PCSK9: variants seen among roughly 807,000 people sequenced by gnomAD.
The protein encoded by PCSK9 is convertase subtilisin/kexin type 9 preproprotein.
PCSK9 carries 57 observed loss-of-function variants against 62.1 expected under a neutral mutation model. That is an observed-to-expected ratio of 0.92 (90% CI 0.74 to 1.14). The LOEUF (loss-of-function observed/expected upper bound fraction) is 1.14, where lower values mean the gene tolerates loss of function less well. Ranked by LOEUF, PCSK9 falls within the 50% of genes most tolerant of loss-of-function variation. The pLI is 0.00. For synonymous variants in PCSK9, 387 were observed against 409.4 expected, an observed-to-expected ratio of 0.95 and a Z score of 0.66; for missense variants, 870 against 959.8, an observed-to-expected ratio of 0.91 and a Z score of 1.24.
intron 7 of PCSK9, 131 bp downstream of exon 7, chr1:55,057,645 TTCAAGGACAC>T (rs1644725457): frequency 8.8e-7 from 1 of 1,142,828 alleles, no homozygotes. Context: ...TGATGGTGCC[TTCAAGGACAC>T]TCAGTCTGAT....
intron 2 of PCSK9, 39 bp downstream of exon 2, chr1:55,044,073 G>T (rs1644617274): frequency 6.2e-7 from 1 of 1,608,370 alleles, no homozygotes; most frequent in Non-Finnish European, 8.5e-7. Flanking sequence ...TCCTGATAGG[G>T]CTGGGCCACT....
chr1:55,058,341 G>T, intron 8 of PCSK9, 132 bp downstream of exon 8: 1 of 1,490,498 alleles, frequency 6.7e-7, no homozygotes, highest in Non-Finnish European at 9.2e-7. Context: ...AATGAGAATG[G>T]GGCTCTGAAA....
chr1:55,055,627 G>A (rs1303383749), intron 5 of PCSK9, among the ~76,000 whole-genome samples: 1 of 152,122 alleles, frequency 6.6e-6, no homozygotes, highest in Non-Finnish European at 1.5e-5. Context: ...TCTGAAATCC[G>A]CAGGGCAGGC....
At chr1:55,061,577 G>T in intron 11 of PCSK9, 21 bp downstream of exon 11, 1 of 1,570,490 alleles carries the variant, frequency 6.4e-7, no homozygotes, top group Non-Finnish European at 8.6e-7. Context: ...CCGTGAGGCC[G>T]GGTGGGTGGG....
chr1:55,059,907 G>C (rs1359216936), intron 10 of PCSK9, among the ~76,000 whole-genome samples: 2 of 152,236 alleles, frequency 1.3e-5, no homozygotes, highest in East Asian at 3.9e-4. Context: ...GTTGCAAGGA[G>C]ATGGGCAGCA....
chr1:55,043,723 C>T, intron 1 of PCSK9, 120 bp from the exon 2 acceptor site: 4 of 1,208,666 alleles, frequency 3.3e-6, no homozygotes, highest in Admixed American at 2.1e-5. Context: ...ACTTCTTTAT[C>T]ATCTACTATA....
At chr1:55,057,631 G>A in intron 7 of PCSK9, 117 bp downstream of exon 7, 1 of 1,267,394 alleles carries the variant, frequency 7.9e-7, no homozygotes, top group Non-Finnish European at 1.1e-6. Context: ...AGATGAAGTA[G>A]GCCTGATGGT....
In PCSK9 at chr1:55,064,634, G is replaced by T. The variant is rs1644788334; in HGVS notation, c.*1050G>T. On this transcript the variant is annotated 3_prime_UTR_variant, in exon 12 of 12. Transcript: ENST00000302118. ...CTGGCGGAGATGCTTCTAAGGCATGGTCGGGGGAGAGGGCCAACAACTGTC... is the reference window on the plus strand; with the variant it reads ...CTGGCGGAGATGCTTCTAAGGCATGTTCGGGGGAGAGGGCCAACAACTGTC... 6.6e-6 allele frequency: 1 copy of T among 152,204 alleles called. No individual in the cohort carries two copies. Among genetic ancestry groups the T allele is most frequent in the Admixed American group, 6.5e-5 (1 of 15,284 alleles). 9.4% of individuals were successfully genotyped at this position (152,204 alleles called of 1,614,324 possible).
chr1:55,049,486 C>G (rs1050044755), intron 3 of PCSK9, among the ~76,000 whole-genome samples: 2 of 152,210 alleles, frequency 1.3e-5, no homozygotes, highest in African/African-American at 2.4e-5. Context: ...AGAGGCCACT[C>G]CAAGGCCTCT....
Position 55,058,062 on chromosome 1 carries a change from G to A in PCSK9, c.1207G>A (p.Glu403Lys), listed in dbSNP as rs778562344. 4.8e-5 allele frequency: 77 copies of A among 1,613,792 alleles called. No individual in the cohort carries two copies. The highest frequency in any genetic ancestry group is 1.6e-4 in the Middle Eastern group (1 of 6,062). ...AGIAAMMLSA[E>K]PELTLAELRQ... Reference sequence around the variant, plus strand: ...CATTGCAGCCATGATGCTGTCTGCCGAGCCGGAGCTCACCCTGGCCGAGTT... The same window carrying A: ...CATTGCAGCCATGATGCTGTCTGCCAAGCCGGAGCTCACCCTGGCCGAGTT... The change falls in exon 8 of 12, where the codon GAG (glutamate) becomes AAG (lysine). Residue 403 changes from glutamate (E) to lysine (K), a missense_variant. Physicochemically the swap from Glu to Lys is moderately conservative, Grantham distance 56. Coordinates refer to ENST00000302118, the MANE Select transcript of PCSK9 (RefSeq NM_174936.4).
Position 55,043,836 on chromosome 1 carries a change from G to A in PCSK9, c.208-7G>A, listed in dbSNP as rs754232605. 26 of 1,613,794 alleles carry A rather than the reference G, an allele frequency of 1.6e-5. No homozygotes were observed. The Admixed American group carries it at 2.5e-4, about 16-fold the overall frequency. On this transcript the variant is annotated splice_polypyrimidine_tract_variant and splice_region_variant and intron_variant, in intron 1 of 11. Transcript: ENST00000302118. ...ATGTCATCATGTTCCTCCTTGCATG[G>A]GGCCAGGATCCGTGGAGGTTGCCTG...
At chr1:55,052,949 T>C (rs45613943) in intron 5 of PCSK9, among the ~76,000 whole-genome samples, 158 bp downstream of exon 5, 17,043 of 152,078 alleles carry the variant, frequency 0.11, 1,712 homozygotes, top group African/African-American at 0.27. Context: ...CTGGCAGGGT[T>C]CCCAGTGGCC....
rs1644592746 is a variant in PCSK9, at chr1:55,040,755, C to T, written c.207+711C>T. Among the ~76,000 whole-genome samples the T allele has an allele frequency of 6.6e-6, 1 of 152,216 alleles. No homozygotes were observed. Among genetic ancestry groups the T allele is most frequent in the African/African-American group, 2.4e-5 (1 of 41,454 alleles). ...GGAAGGGCCCTTGGTGCTCTGGAGC[C>T]GGAGGTGGTGCGCCTGGTACTGGGA... On this transcript the variant is annotated intron_variant, in intron 1 of 11. Transcript: ENST00000302118. The surrounding 1 kb of genome is among the most constrained non-coding windows in gnomAD (Gnocchi z 4.1).
intron 3 of PCSK9, among the ~76,000 whole-genome samples, chr1:55,047,327 G>A (rs1393310856): frequency 1.3e-5 from 2 of 152,232 alleles, no homozygotes; most frequent in African/African-American, 2.4e-5. Context: ...TAGTTGGACT[G>A]TGTTAAGTTT....
At position 55,052,517 on chromosome 1, in the gene PCSK9, AC is replaced by A. The variant is rs397735050; in HGVS notation, c.657+114del. The A allele has an allele frequency of 0.66, 1,058,012 of 1,594,886 alleles. 360,524 individuals are homozygous for A. The highest frequency in any genetic ancestry group is 0.74 in the East Asian group (32,720 of 44,396). On this transcript the variant is annotated intron_variant, in intron 4 of 11. Coordinates refer to ENST00000302118, the MANE Select transcript of PCSK9 (RefSeq NM_174936.4). ...CGTTGCAGCTGTACTCCTGGGTTGC[AC>A]CCCCCCCAGCTGTCACTGTCCCCTC...
In PCSK9 at chr1:55,063,452, C is replaced by T. The variant is rs1316935112; in HGVS notation, c.1947C>T (p.Ala649=). ...CCTCCCACGTCCTGGGGGCCTACGC[C>T]GTAGACAACACGTGTGTAGTCAGGA... ...PGTSHVLGAY[A]VDNTCVVRSR... Residue 649 remains alanine (A), a synonymous_variant, in exon 12 of 12, where the codon GCC becomes GCT. Transcript: ENST00000302118. 26 of 1,613,972 alleles carry T rather than the reference C, an allele frequency of 1.6e-5. No individual in the cohort carries two copies. The East Asian group carries it at 2.0e-4, about 12-fold the overall frequency.
chr1:55,039,876 G>T lies in PCSK9; in HGVS notation c.39G>T (p.Leu13=). The change falls in exon 1 of 12, where the codon CTG becomes CTT. Residue 13 remains leucine (L), a synonymous_variant. Coordinates refer to ENST00000302118, the MANE Select transcript of PCSK9 (RefSeq NM_174936.4). ...TVSSRRSWWP[L]PLLLLLLLLL... ...GCTCCAGGCGGTCCTGGTGGCCGCT[G>T]CCACTGCTGCTGCTGCTGCTGCTGC... 1 of 1,558,418 alleles carries T rather than the reference G, an allele frequency of 6.4e-7. No individual in the cohort carries two copies. The highest frequency in any genetic ancestry group is 2.4e-5 in the East Asian group (1 of 42,272).
At chr1:55,055,897 T>TG in intron 5 of PCSK9, 96 bp from the exon 6 acceptor site, 1 of 1,238,730 alleles carries the variant, frequency 8.1e-7, no homozygotes, top group Non-Finnish European at 1.1e-6. Context: ...ACAAAGTTGA[T>TG]CCCCAAAATT....
At chr1:55,052,561 G>A (rs1644683098) in intron 4 of PCSK9, 89 bp from the exon 5 acceptor site, 1 of 1,604,672 alleles carries the variant, frequency 6.2e-7, no homozygotes, top group African/African-American at 1.3e-5. Context: ...TCAGTTGTGG[G>A]AAGGGCGTTC....
Sources: gnomAD v4.1 joint callset for allele counts (sites outside exome capture counted in the v4.1 genomes callset) on GRCh38, gnomAD v4.1.1 for gene constraint, Gnocchi (gnomAD v3.1) non-coding constraint, MANE v1.5 for transcripts, NCBI Gene and HGNC (gene_info 2026-07-23, HGNC 2026-07-21) for gene names.